CELSR1: variants seen among roughly 807,000 people sequenced by gnomAD.
CELSR1 encodes the protein adhesion G protein-coupled receptor C1.
In CELSR1, 110 loss-of-function variants were observed where a neutral mutation model predicts 249.1. The ratio of observed to expected loss-of-function variants is 0.44; its 90% confidence interval spans 0.38 to 0.52. The LOEUF (loss-of-function observed/expected upper bound fraction) is 0.52. Ranked by LOEUF, CELSR1 falls within the 20% of genes least tolerant of loss-of-function variation. The pLI is 0.00. For synonymous variants in CELSR1, 2,113 were observed against 1,900.0 expected, an observed-to-expected ratio of 1.11 and a Z score of -2.92; for missense variants, 4,109 against 4,296.4, an observed-to-expected ratio of 0.96 and a Z score of 1.22.
intron 1 of CELSR1, among the ~76,000 whole-genome samples, chr22:46,467,165 C>T (rs573893307): frequency 4.7e-4 from 72 of 152,314 alleles, no homozygotes; most frequent in African/African-American, 1.4e-3. Flanking sequence ...AAAATGTGAA[C>T]GTAAGTTAAC....
At chr22:46,478,158 T>C (rs1445476198) in intron 1 of CELSR1, among the ~76,000 whole-genome samples, 1 of 152,204 alleles carries the variant, frequency 6.6e-6, no homozygotes, top group Non-Finnish European at 1.5e-5. Context: ...TCAGGGCTCC[T>C]TGGCTCAGCA....
At chr22:46,457,413 A>C (rs2079968876) in intron 2 of CELSR1, among the ~76,000 whole-genome samples, 1 of 152,068 alleles carries the variant, frequency 6.6e-6, no homozygotes, top group South Asian at 2.1e-4. Flanking sequence ...AATAAACTCA[A>C]CCCTAACAAA....
intron 1 of CELSR1, among the ~76,000 whole-genome samples, chr22:46,494,475 T>A (rs182667994): frequency 6.6e-6 from 1 of 152,272 alleles, no homozygotes; most frequent in Admixed American, 6.5e-5. Flanking sequence ...TAAACATTGT[T>A]AAGCCCTCCA....
intron 2 of CELSR1, among the ~76,000 whole-genome samples, chr22:46,459,719 T>G (rs1388631997): frequency 6.6e-6 from 1 of 152,190 alleles, no homozygotes; most frequent in Non-Finnish European, 1.5e-5. Flanking sequence ...AAATGTCTGA[T>G]TTTGTCAAAT....
rs559219364 is a variant in CELSR1 at position 46,412,714 on chromosome 22, C to A, written c.4612-955G>T. Among the ~76,000 whole-genome samples, 2 of 152,292 alleles carry A rather than the reference C, an allele frequency of 1.3e-5. No homozygotes were observed. Among genetic ancestry groups the A allele is most frequent in the South Asian group, 4.1e-4 (2 of 4,822 alleles). Reference sequence around the variant, plus strand: ...ACCCAGCCAGCCTCAGACGCCCTTCCAGGAGGAAAAGCAGCACCCGCCCTA... The same window carrying A: ...ACCCAGCCAGCCTCAGACGCCCTTCAAGGAGGAAAAGCAGCACCCGCCCTA... On this transcript the variant is annotated intron_variant, in intron 5 of 34. Coordinates refer to ENST00000674500, the MANE Select transcript of CELSR1 (RefSeq NM_001378328.1). The surrounding 1 kb of genome is among the most constrained non-coding windows in gnomAD (Gnocchi z 4.5).
chr22:46,397,814 G>A lies in CELSR1; in HGVS notation c.5561C>T (p.Ala1854Val). 1 of 1,592,424 alleles carries A rather than the reference G, an allele frequency of 6.3e-7. No individual in the cohort carries two copies. Among genetic ancestry groups the A allele is most frequent in the Non-Finnish European group, 8.6e-7 (1 of 1,167,584 alleles). ...VRMGGTPTNV[A>V]TLNMNNALKV... Reference sequence around the variant, plus strand: ...GAGTGCGTTGTTCATGTTCAGGGTGGCGACGTTGGTGGGCGTCCCCCCCAT... The same window carrying A: ...GAGTGCGTTGTTCATGTTCAGGGTGACGACGTTGGTGGGCGTCCCCCCCAT... The change falls in exon 12 of 35, where the codon GCC becomes GTC. Residue 1854 changes from alanine (A) to valine (V), a missense_variant. By Grantham distance (64) the Ala-to-Val change is moderately conservative. Transcript: ENST00000674500.
At chr22:46,370,349 C>A (rs1052111094) in intron 25 of CELSR1, 2 of 339,176 alleles carry the variant, frequency 5.9e-6, no homozygotes, top group Non-Finnish European at 1.2e-5. Flanking sequence ...TGCAGACACA[C>A]ATACCGTGTG....
chr22:46,480,882 T>G (rs968749392), intron 1 of CELSR1, among the ~76,000 whole-genome samples: 8 of 152,238 alleles, frequency 5.3e-5, no homozygotes, highest in African/African-American at 1.9e-4. Context: ...CAGAGGCAAG[T>G]GACATATGCT....
chr22:46,403,799 C>T (rs928202466), intron 9 of CELSR1, among the ~76,000 whole-genome samples: 20 of 151,286 alleles, frequency 1.3e-4, no homozygotes, highest in Non-Finnish European at 2.9e-4. Context: ...ATGGTGAAAC[C>T]CCGTCTCTAC....
intron 30 of CELSR1, among the ~76,000 whole-genome samples, 176 bp downstream of exon 30, chr22:46,366,210 G>GAAAGGTGCA (rs2078777386): frequency 1.4e-5 from 1 of 70,746 alleles, no homozygotes; most frequent in Non-Finnish European, 2.7e-5. Context: ...AAGGTGCGAG[G>GAAAGGTGCA]CGGGGAGGGA....
In CELSR1 at chr22:46,408,617, G is replaced by A. The variant is rs528701833; in HGVS notation, c.5226+379C>T. 9.4e-4 allele frequency among the ~76,000 whole-genome samples: 143 copies of A among 152,358 alleles called. No homozygotes were observed. The highest frequency in any genetic ancestry group is 3.3e-3 in the African/African-American group (137 of 41,582). On this transcript the variant is annotated intron_variant, in intron 9 of 34. Transcript: ENST00000674500. The surrounding 1 kb of genome is among the most constrained non-coding windows in gnomAD (Gnocchi z 4.6). Reference sequence around the variant, plus strand: ...CCCAAAGTGTTGGGATTACAGGCATGAGCCACCACCCCGGCCTGCACCTGG... The same window carrying A: ...CCCAAAGTGTTGGGATTACAGGCATAAGCCACCACCCCGGCCTGCACCTGG...
At chr22:46,372,181 C>A (rs535712998) in intron 25 of CELSR1, among the ~76,000 whole-genome samples, 1 of 150,910 alleles carries the variant, frequency 6.6e-6, no homozygotes, top group African/African-American at 2.4e-5. Context: ...ACCCCTCACC[C>A]ATCCATCTAC....
intron 9 of CELSR1, among the ~76,000 whole-genome samples, chr22:46,404,604 G>C (rs910742718): frequency 6.6e-6 from 1 of 151,894 alleles, no homozygotes; most frequent in Non-Finnish European, 1.5e-5. Context: ...TTGGGTTTTT[G>C]GTGGGGGAGG....
At chr22:46,482,400 G>A (rs559412127) in intron 1 of CELSR1, among the ~76,000 whole-genome samples, 50 of 152,280 alleles carry the variant, frequency 3.3e-4, no homozygotes, top group African/African-American at 1.2e-3. Context: ...CTGCCTCCCT[G>A]GGTAGCTGGA....
chr22:46,473,059 C>T lies in CELSR1; in HGVS notation c.3545-8714G>A, dbSNP rs550645996. Among the ~76,000 whole-genome samples the T allele has an allele frequency of 9.9e-4, 150 of 152,148 alleles. 1 individual carries two copies. Among genetic ancestry groups the T allele is most frequent in the African/African-American group, 3.4e-3 (140 of 41,480 alleles). On this transcript the variant is annotated intron_variant, in intron 1 of 34. Coordinates refer to ENST00000674500, the MANE Select transcript of CELSR1 (RefSeq NM_001378328.1). This position sits in a 1 kb window ranked among gnomAD's most constrained non-coding sequence, Gnocchi z 6.6. ...GGGAATGCAGAGTAGCGGAGAGACA[C>T]GGGCACGGAGGCAGGGGGTGGGTGA...
At chr22:46,420,253 A>G (rs1313872402) in intron 5 of CELSR1, among the ~76,000 whole-genome samples, 2 of 145,750 alleles carry the variant, frequency 1.4e-5, no homozygotes, top group African/African-American at 5.2e-5. Flanking sequence ...CCCACACTCA[A>G]ATGCACTCGC....
intron 1 of CELSR1, among the ~76,000 whole-genome samples, chr22:46,483,612 G>A (rs2147673909): frequency 6.6e-6 from 1 of 152,178 alleles, no homozygotes; most frequent in South Asian, 2.1e-4. Context: ...GTCCCCTGAG[G>A]ATTGCAAGAG....
chr22:46,476,706 T>A (rs534538418), intron 1 of CELSR1, among the ~76,000 whole-genome samples: 1 of 151,852 alleles, frequency 6.6e-6, no homozygotes, highest in South Asian at 2.1e-4. Context: ...ATAATCATGA[T>A]TTCATTGATA....
chr22:46,491,024 A>T (rs2080362091), intron 1 of CELSR1, among the ~76,000 whole-genome samples: 1 of 152,022 alleles, frequency 6.6e-6, no homozygotes. Context: ...ACGCCTGCAA[A>T]TGGAGGGCCC....
Sources: allele counts gnomAD v4.1 joint callset (sites outside exome capture counted in the v4.1 genomes callset), GRCh38; gene constraint gnomAD v4.1.1; non-coding constraint Gnocchi (gnomAD v3.1); transcripts MANE v1.5; gene names NCBI Gene and HGNC (gene_info 2026-07-23, HGNC 2026-07-21).